Variants in HDAC9 observed in about 807,000 individuals in gnomAD.
HDAC9 encodes the protein histone deacetylase 9, also known as MEF-2 interacting transcription repressor (MITR) protein.
A neutral mutation model predicts 139.4 loss-of-function variants in HDAC9; 41 were observed. That is an observed-to-expected ratio of 0.29 (90% confidence interval 0.23 to 0.38). The LOEUF (loss-of-function observed/expected upper bound fraction) is 0.38. Among genes scored for constraint, HDAC9 ranks in the 10% least tolerant of loss-of-function variants. The probability of loss-of-function intolerance (pLI) is 1.00; values close to 1 mark genes in which losing one functional copy is unlikely to be tolerated. For synonymous variants in HDAC9, 517 were observed against 476.2 expected (o/e 1.09, Z -1.12); for missense variants, 1,147 against 1,297.0 (o/e 0.88, Z 1.78).
intron 11 of HDAC9, among the ~76,000 whole-genome samples, chr7:18,661,926 G>C (rs1793304124): frequency 6.6e-6 from 1 of 152,070 alleles, no homozygotes; most frequent in Non-Finnish European, 1.5e-5. Flanking sequence ...TGTAAATACT[G>C]ACCAGATTTG....
chr7:18,124,809 C>T (rs1015962604), intron 1 of HDAC9, among the ~76,000 whole-genome samples: 6 of 152,280 alleles, frequency 3.9e-5, no homozygotes, highest in Admixed American at 1.3e-4. Context: ...GAGCAACACA[C>T]AACCTCACTG....
chr7:18,541,522 T>G (rs1319180480), intron 2 of HDAC9, among the ~76,000 whole-genome samples: 8 of 152,194 alleles, frequency 5.3e-5, no homozygotes, highest in Non-Finnish European at 1.2e-4. Context: ...TTTCTCTGGT[T>G]GGAATTTCCT....
chr7:18,499,817 A>G (rs553715020), intron 2 of HDAC9, among the ~76,000 whole-genome samples: 1 of 152,286 alleles, frequency 6.6e-6, no homozygotes, highest in African/African-American at 2.4e-5. Context: ...AAATTCTTTT[A>G]TATATCTTCA....
intron 17 of HDAC9, among the ~76,000 whole-genome samples, chr7:18,806,589 G>A (rs1474307375): frequency 6.6e-6 from 1 of 152,100 alleles, no homozygotes; most frequent in Non-Finnish European, 1.5e-5. Context: ...TGCTTTTAAG[G>A]ATGCATGTAA....
At chr7:18,547,311 C>T (rs541032131) in intron 2 of HDAC9, among the ~76,000 whole-genome samples, 1 of 152,204 alleles carries the variant, frequency 6.6e-6, no homozygotes, top group Non-Finnish European at 1.5e-5. Flanking sequence ...TCTCCGCTCA[C>T]TGCAAGCTCT....
At chr7:18,438,579 T>C (rs1403264994) in intron 1 of HDAC9, among the ~76,000 whole-genome samples, 1 of 152,022 alleles carries the variant, frequency 6.6e-6, no homozygotes, top group Non-Finnish European at 1.5e-5. Flanking sequence ...TAGAAACATA[T>C]GTCTAGACAT....
intron 2 of HDAC9, among the ~76,000 whole-genome samples, chr7:18,216,788 T>C (rs1469530245): frequency 2.0e-5 from 3 of 152,166 alleles, no homozygotes; most frequent in Admixed American, 6.5e-5. Context: ...AATGATAGTT[T>C]TCTGTTTTGT....
chr7:18,729,889 A>G (rs1487755143), intron 13 of HDAC9, among the ~76,000 whole-genome samples: 1 of 152,214 alleles, frequency 6.6e-6, no homozygotes, highest in East Asian at 1.9e-4. Flanking sequence ...TGAATCAATG[A>G]ATATTAATTT....
At chr7:18,153,300 G>C (rs1047384952) in intron 1 of HDAC9, among the ~76,000 whole-genome samples, 14 of 152,176 alleles carry the variant, frequency 9.2e-5, no homozygotes, top group Middle Eastern at 3.4e-3. Flanking sequence ...CACTCCACGG[G>C]GTGGGAGTGG....
chr7:18,542,575 G>T (rs888978575), intron 2 of HDAC9, among the ~76,000 whole-genome samples: 1 of 152,104 alleles, frequency 6.6e-6, no homozygotes, highest in Non-Finnish European at 1.5e-5. Flanking sequence ...ATTAATAAGT[G>T]ACAGTAAATA....
At chr7:18,289,538 C>T (rs960229183), upstream of HDAC9, among the ~76,000 whole-genome samples, 1 of 152,120 alleles carries the variant, frequency 6.6e-6, no homozygotes, top group African/African-American at 2.4e-5. Context: ...CAATCAAAAG[C>T]AAGAGCTAGT....
chr7:18,836,086 C>A, intron 21 of HDAC9, 89 bp downstream of exon 21: 1 of 687,060 alleles, frequency 1.5e-6, no homozygotes, highest in Non-Finnish European at 2.5e-6. Context: ...ATGTAAATGT[C>A]TAATTAAGGT....
intron 2 of HDAC9, among the ~76,000 whole-genome samples, chr7:18,508,469 C>G (rs888848144): frequency 6.6e-6 from 1 of 152,126 alleles, no homozygotes; most frequent in Non-Finnish European, 1.5e-5. Context: ...AGGCTGTTAG[C>G]TATGATTTTC....
intron 1 of HDAC9, among the ~76,000 whole-genome samples, chr7:18,440,966 A>C (rs1266948461): frequency 6.6e-6 from 1 of 152,202 alleles, no homozygotes; most frequent in East Asian, 1.9e-4. Flanking sequence ...AACTGCTTTA[A>C]TTAAGTGCAT....
intron 11 of HDAC9, among the ~76,000 whole-genome samples, chr7:18,660,055 C>T (rs1208650308): frequency 1.3e-5 from 2 of 152,094 alleles, no homozygotes; most frequent in East Asian, 3.9e-4. Context: ...AAACAAATTC[C>T]AAATACTCAT....
chr7:18,603,838 T>A (rs563392879), intron 6 of HDAC9, among the ~76,000 whole-genome samples: 1 of 152,124 alleles, frequency 6.6e-6, no homozygotes, highest in Non-Finnish European at 1.5e-5. Flanking sequence ...AGGCAATAAA[T>A]GTCCTTAGTT....
chr7:18,106,064 G>A (rs557597805), intron 1 of HDAC9, among the ~76,000 whole-genome samples: 1 of 152,316 alleles, frequency 6.6e-6, no homozygotes, highest in East Asian at 1.9e-4. Context: ...AGGGAAGGGG[G>A]AATGAGATGT....
chr7:18,296,517 C>T (rs1343899510), intron 1 of HDAC9, among the ~76,000 whole-genome samples: 3 of 152,064 alleles, frequency 2.0e-5, no homozygotes, highest in African/African-American at 4.8e-5. Flanking sequence ...ATAAAACCTC[C>T]TTTGTGAATT....
chr7:18,344,571 A>T (rs139505118), intron 1 of HDAC9, among the ~76,000 whole-genome samples: 3 of 151,984 alleles, frequency 2.0e-5, no homozygotes, highest in African/African-American at 7.2e-5. Flanking sequence ...CTACCATTCT[A>T]TTGGTCTTAA....
Sources: allele counts gnomAD v4.1 joint callset (sites outside exome capture counted in the v4.1 genomes callset), GRCh38; gene constraint gnomAD v4.1.1; transcripts MANE v1.5; gene names NCBI Gene and HGNC (gene_info 2026-07-23, HGNC 2026-07-21).